The following DNAAF4 variants were observed in gnomAD, a reference collection of about 807,000 sequenced individuals.
DNAAF4 encodes the protein dynein axonemal assembly factor 4, also known as dynein assembly factor 4, axonemal.
DNAAF4 carries 43 observed loss-of-function variants against 51.8 expected under a neutral mutation model. That is an observed-to-expected ratio of 0.83 (90% CI 0.65 to 1.07). The LOEUF (loss-of-function observed/expected upper bound fraction) is 1.07. Among genes scored for constraint, DNAAF4 ranks in the 50% least tolerant of loss-of-function variants. The probability of loss-of-function intolerance (pLI) is 0.00; values close to 1 mark genes in which losing one functional copy is unlikely to be tolerated. For missense variants in DNAAF4, 581 were observed against 493.0 expected (o/e 1.18, Z -1.69); for synonymous variants, 194 against 165.6 (o/e 1.17, Z -1.32).
At chr15:55,454,164 G>T (rs2141471261) in intron 5 of DNAAF4, among the ~76,000 whole-genome samples, 1 of 151,570 alleles carries the variant, frequency 6.6e-6, no homozygotes, top group African/African-American at 2.4e-5. Flanking sequence ...AGCTTGGTGT[G>T]GTGGTGCACA....
chr15:55,459,806 C>T (rs1310561279), intron 5 of DNAAF4, among the ~76,000 whole-genome samples: 1 of 151,368 alleles, frequency 6.6e-6, no homozygotes, highest in African/African-American at 2.4e-5. Flanking sequence ...TGGGGTCAAG[C>T]GATTCTCCTG....
chr15:55,444,261 T>C (rs943918224), intron 6 of DNAAF4, among the ~76,000 whole-genome samples: 3 of 152,252 alleles, frequency 2.0e-5, no homozygotes, highest in African/African-American at 7.2e-5. Context: ...TTTCTACATA[T>C]GGCTAGCCAG....
intron 7 of DNAAF4, among the ~76,000 whole-genome samples, chr15:55,438,690 CAGA>C (rs1036398704): frequency 3.3e-5 from 5 of 151,388 alleles, no homozygotes; most frequent in Admixed American, 6.6e-5. Flanking sequence ...GAGGCTGAGG[CAGA>C]AGAACTGCTT....
At chr15:55,442,617 T>C (rs2057732007) in intron 6 of DNAAF4, 6 of 1,502,802 alleles carry the variant, frequency 4.0e-6, no homozygotes, top group Non-Finnish European at 5.6e-6. Context: ...TGAGATGGAG[T>C]TCACCAGCAG....
chr15:55,429,831 A>C (rs1241267166), downstream of DNAAF4, among the ~76,000 whole-genome samples: 1 of 151,976 alleles, frequency 6.6e-6, no homozygotes, highest in Non-Finnish European at 1.5e-5. Context: ...AAAAAAAAAA[A>C]AAAACCTTTA....
At chr15:55,445,086 G>C (rs2057777146) in intron 6 of DNAAF4, among the ~76,000 whole-genome samples, 1 of 142,390 alleles carries the variant, frequency 7.0e-6, no homozygotes, top group Non-Finnish European at 1.5e-5. Context: ...GTGTTTCTCA[G>C]AGAGGGGGAT....
At chr15:55,455,883 C>T (rs573249370) in intron 5 of DNAAF4, among the ~76,000 whole-genome samples, 2 of 151,914 alleles carry the variant, frequency 1.3e-5, no homozygotes, top group African/African-American at 4.8e-5. Context: ...TTCTGAACAT[C>T]TATTTCCTCT....
chr15:55,475,441 A>G (rs907185919), intron 4 of DNAAF4, among the ~76,000 whole-genome samples: 13 of 152,168 alleles, frequency 8.5e-5, no homozygotes, highest in Admixed American at 7.9e-4. Flanking sequence ...GTTGCTCCTA[A>G]AACCCCCTCC....
At chr15:55,429,600 G>C (rs141310042), downstream of DNAAF4, among the ~76,000 whole-genome samples, 194 of 151,530 alleles carry the variant, frequency 1.3e-3, 2 homozygotes, top group African/African-American at 4.5e-3. Flanking sequence ...GGTGGATCAC[G>C]AAATCAGGAG....
At chr15:55,448,993 T>A (rs1567010951) in intron 6 of DNAAF4, among the ~76,000 whole-genome samples, 1 of 151,618 alleles carries the variant, frequency 6.6e-6, no homozygotes, top group East Asian at 1.9e-4. Flanking sequence ...TCTTTTATTT[T>A]TTATTTTTTT....
chr15:55,448,986 T>G (rs922549798), intron 6 of DNAAF4, among the ~76,000 whole-genome samples: 16 of 151,524 alleles, frequency 1.1e-4, no homozygotes, highest in African/African-American at 3.6e-4. Flanking sequence ...CATTATGTCT[T>G]TTATTTTTTA....
chr15:55,418,123 G>T (rs1449152243), exon 8 of DNAAF4: 1 of 1,580,028 alleles, frequency 6.3e-7, no homozygotes, highest in Non-Finnish European at 8.5e-7. Context: ...GCCCTCAAGA[G>T]AACAGAATTC....
At chr15:55,491,731 TATA>T (rs1567033385) in intron 3 of DNAAF4, among the ~76,000 whole-genome samples, 3 of 140,182 alleles carry the variant, frequency 2.1e-5, no homozygotes, top group African/African-American at 8.0e-5. Flanking sequence ...TAGTATATAA[TATA>T]ATATATAATA....
At chr15:55,470,000 C>T (rs1191167040) in intron 4 of DNAAF4, among the ~76,000 whole-genome samples, 8 of 152,030 alleles carry the variant, frequency 5.3e-5, no homozygotes, top group Non-Finnish European at 8.8e-5. Context: ...CAGGTTTGAC[C>T]ATTTGCTTCA....
chr15:55,505,987 A>G (rs2058725441), intron 1 of DNAAF4, among the ~76,000 whole-genome samples: 1 of 152,026 alleles, frequency 6.6e-6, no homozygotes, highest in African/African-American at 2.4e-5. Flanking sequence ...TGACACAAAG[A>G]CCTTGTTTTT....
chr15:55,457,010 G>C (rs1018670234), intron 5 of DNAAF4, among the ~76,000 whole-genome samples: 6 of 152,190 alleles, frequency 3.9e-5, no homozygotes, highest in Non-Finnish European at 8.8e-5. Flanking sequence ...GACTGAGCAG[G>C]AATTTTCCTA....
At chr15:55,463,722 A>C (rs2058128708) in intron 5 of DNAAF4, among the ~76,000 whole-genome samples, 1 of 152,274 alleles carries the variant, frequency 6.6e-6, no homozygotes, top group Non-Finnish European at 1.5e-5. Context: ...AAAACAAAAA[A>C]CCAAAATACT....
Position 55,498,577 on chromosome 15 carries a change from C to A in DNAAF4, c.-248G>T. 1.6e-5 allele frequency: 3 copies of A among 192,420 alleles called. No homozygotes were observed. The highest frequency in any genetic ancestry group is 1.1e-4 in the East Asian group (1 of 8,934). 11.9% of individuals were successfully genotyped at this position (192,420 alleles called of 1,614,324 possible). ...GAGCGAATGTTCAAAGAAGTAGACC[C>A]ATACCCTCTGCTTGAGAAAAAAAAA... On this transcript the variant is annotated 5_prime_UTR_variant, in exon 2 of 10. The change abolishes an upstream ATG in the 5' untranslated region. Coordinates refer to ENST00000321149, the MANE Select transcript of DNAAF4 (RefSeq NM_130810.4).
chr15:55,432,436 T>G (rs1263169820), intron 9 of DNAAF4, 61 bp downstream of exon 9: 1 of 1,365,106 alleles, frequency 7.3e-7, no homozygotes, highest in Admixed American at 2.0e-5. Flanking sequence ...CTTAAATAAT[T>G]CCAATGACAT....
Sources: allele counts gnomAD v4.1 joint callset (sites outside exome capture counted in the v4.1 genomes callset), GRCh38; gene constraint gnomAD v4.1.1; transcripts MANE v1.5; gene names NCBI Gene and HGNC (gene_info 2026-07-23, HGNC 2026-07-21).